The following POMK variants were observed in gnomAD, a reference collection of about 807,000 sequenced individuals.
POMK encodes protein O-mannose kinase.
POMK carries 19 observed loss-of-function variants against 23.0 expected under a neutral mutation model. The observed-to-expected ratio is 0.83, with a 90% CI of 0.58 to 1.21. POMK has a LOEUF of 1.21. Among genes scored for constraint, POMK ranks in the 50% most tolerant of loss-of-function variants. The probability of loss-of-function intolerance (pLI) is 0.00; values close to 1 mark genes in which losing one functional copy is unlikely to be tolerated. For synonymous variants in POMK, 173 were observed against 171.6 expected (o/e 1.01, Z -0.06); for missense variants, 410 against 431.3 (o/e 0.95, Z 0.44).
intron 4 of POMK, among the ~76,000 whole-genome samples, chr8:43,115,423 C>T (rs991245216): frequency 3.3e-5 from 5 of 152,200 alleles, no homozygotes; most frequent in African/African-American, 9.7e-5. Flanking sequence ...TCAGAGCCTA[C>T]TCACCTTTTA....
At chr8:43,105,940 C>T (rs1032323062) in intron 4 of POMK, among the ~76,000 whole-genome samples, 1 of 152,166 alleles carries the variant, frequency 6.6e-6, no homozygotes, top group Non-Finnish European at 1.5e-5. Context: ...GGATTACAGG[C>T]GTGAGCCACT....
chr8:43,118,663 A>G (rs1328787335), intron 4 of POMK, among the ~76,000 whole-genome samples: 3 of 152,362 alleles, frequency 2.0e-5, no homozygotes, highest in South Asian at 4.1e-4. Flanking sequence ...GGAGGATTCA[A>G]ATATTTGTGT....
intron 1 of POMK, among the ~76,000 whole-genome samples, chr8:43,094,759 CTTTT>C (rs560240020): frequency 1.6e-4 from 24 of 152,080 alleles, no homozygotes; most frequent in Non-Finnish European, 3.4e-4. Flanking sequence ...CTTTTCTTTT[CTTTT>C]TAAGCTGTAA....
intron 2 of POMK, among the ~76,000 whole-genome samples, chr8:43,101,617 C>A (rs1174697564): frequency 6.6e-6 from 1 of 152,162 alleles, no homozygotes; most frequent in Non-Finnish European, 1.5e-5. Context: ...GCAGGATTAT[C>A]TCCAGAAACT....
At chr8:43,104,192 G>A (rs558457631) in intron 4 of POMK, among the ~76,000 whole-genome samples, 7 of 151,748 alleles carry the variant, frequency 4.6e-5, no homozygotes, top group Non-Finnish European at 1.0e-4. Context: ...GCGCCATCTC[G>A]GTGCACTGCA....
chr8:43,099,378 T>C (rs1273310291), intron 2 of POMK, among the ~76,000 whole-genome samples: 1 of 152,112 alleles, frequency 6.6e-6, no homozygotes, highest in Non-Finnish European at 1.5e-5. Flanking sequence ...AGTTTTACCT[T>C]TGGAAGTTGT....
At chr8:43,106,095 A>G (rs1811537954) in intron 4 of POMK, among the ~76,000 whole-genome samples, 1 of 152,142 alleles carries the variant, frequency 6.6e-6, no homozygotes, top group African/African-American at 2.4e-5. Context: ...GGCTGTACTA[A>G]TTTACATTCT....
chr8:43,118,972 C>T (rs1020394877), intron 4 of POMK, among the ~76,000 whole-genome samples: 5 of 152,086 alleles, frequency 3.3e-5, no homozygotes, highest in Non-Finnish European at 5.9e-5. Flanking sequence ...CCACCATGCC[C>T]GGCTAATTTT....
intron 4 of POMK, among the ~76,000 whole-genome samples, chr8:43,105,746 C>G (rs565135359): frequency 8.5e-5 from 13 of 152,286 alleles, no homozygotes; most frequent in African/African-American, 3.1e-4. Flanking sequence ...CTCACTACCA[C>G]CTCCACTTCT....
chr8:43,106,806 A>C (rs985761406), intron 4 of POMK, among the ~76,000 whole-genome samples: 9 of 152,130 alleles, frequency 5.9e-5, no homozygotes, highest in Non-Finnish European at 1.3e-4. Context: ...GCCCTCAGTT[A>C]TAATTTTGCA....
At chr8:43,117,071 A>G (rs1401118224) in intron 4 of POMK, among the ~76,000 whole-genome samples, 1 of 152,200 alleles carries the variant, frequency 6.6e-6, no homozygotes, top group African/African-American at 2.4e-5. Flanking sequence ...TCACAAGGTA[A>G]TGTCATCGCT....
chr8:43,108,126 C>T (rs1811581451), intron 4 of POMK, among the ~76,000 whole-genome samples: 1 of 152,160 alleles, frequency 6.6e-6, no homozygotes, highest in Non-Finnish European at 1.5e-5. Context: ...AAGTTCCTCT[C>T]CTCTTGATGC....
chr8:43,116,698 G>T (rs1811805955), intron 4 of POMK, among the ~76,000 whole-genome samples: 1 of 152,178 alleles, frequency 6.6e-6, no homozygotes, highest in African/African-American at 2.4e-5. Context: ...TATACTGTTT[G>T]ATTCCTTAAA....
chr8:43,103,304 T>C (rs1487660966), intron 3 of POMK, among the ~76,000 whole-genome samples: 1 of 152,102 alleles, frequency 6.6e-6, no homozygotes, highest in African/African-American at 2.4e-5. Context: ...CCTAACCTAA[T>C]CTAGAGGAAC....
intron 2 of POMK, among the ~76,000 whole-genome samples, chr8:43,099,519 C>T (rs1474422439): frequency 6.6e-6 from 1 of 152,198 alleles, no homozygotes; most frequent in African/African-American, 2.4e-5. Context: ...AATGTAGTTT[C>T]CTGGAAACCA....
chr8:43,100,604 G>C (rs1811420023), intron 2 of POMK, among the ~76,000 whole-genome samples: 1 of 151,952 alleles, frequency 6.6e-6, no homozygotes, highest in African/African-American at 2.4e-5. Flanking sequence ...GTGTGCGCTT[G>C]TGGGGGTTGT....
In POMK at chr8:43,110,985, C is replaced by A. The variant is rs1036730945; in HGVS notation, c.282+7155C>A. On this transcript the variant is annotated intron_variant, in intron 4 of 4. Transcript: ENST00000331373. ...ATAGGAACAGCTCCAGTCTACAGCA[C>A]CCAGTGTGAGCGACGCAGAAGACGG... 3.3e-5 allele frequency among the ~76,000 whole-genome samples: 5 copies of A among 152,184 alleles called. No individual in the cohort carries two copies. The East Asian group carries it at 5.8e-4, about 18-fold the overall frequency.
chr8:43,111,629 T>G (rs1811668573), intron 4 of POMK, among the ~76,000 whole-genome samples: 1 of 152,142 alleles, frequency 6.6e-6, no homozygotes, highest in Non-Finnish European at 1.5e-5. Flanking sequence ...CCTCCTCAAG[T>G]GGGTCCCTGA....
intron 4 of POMK, among the ~76,000 whole-genome samples, chr8:43,118,531 A>G (rs1159814948): frequency 1.3e-5 from 2 of 152,232 alleles, no homozygotes; most frequent in African/African-American, 2.4e-5. Flanking sequence ...ATAATAAAAA[A>G]GTAAAGTATT....
Sources: gnomAD v4.1 joint callset for allele counts (sites outside exome capture counted in the v4.1 genomes callset) on GRCh38, gnomAD v4.1.1 for gene constraint, MANE v1.5 for transcripts, NCBI Gene and HGNC (gene_info 2026-07-23, HGNC 2026-07-21) for gene names.